Variants in PLXNC1 observed in about 807,000 individuals in gnomAD.
PLXNC1 encodes the protein plexin C1, also known as plexin-C1.
A neutral mutation model predicts 178.2 loss-of-function variants in PLXNC1; 75 were observed. The ratio of observed to expected loss-of-function variants is 0.42; its 90% CI spans 0.35 to 0.51. The LOEUF is 0.51. Ranked by LOEUF, PLXNC1 falls within the 20% of genes least tolerant of loss-of-function variation. The pLI, the probability that PLXNC1 is intolerant of heterozygous loss-of-function variation, is 0.02. For missense variants in PLXNC1, 1,503 were observed against 1,984.4 expected (o/e 0.76, Z 4.61); for synonymous variants, 790 against 779.9 (o/e 1.01, Z -0.22).
chr12:94,224,141 A>C, intron 6 of PLXNC1, 87 bp from the exon 7 acceptor site: 4 of 842,486 alleles, frequency 4.7e-6, no homozygotes, highest in Non-Finnish European at 8.3e-6. Flanking sequence ...AGAGGAAGCA[A>C]AAATATTTAT....
chr12:94,152,001 A>G (rs1163202323), intron 1 of PLXNC1, among the ~76,000 whole-genome samples: 1 of 152,196 alleles, frequency 6.6e-6, no homozygotes, highest in African/African-American at 2.4e-5. Flanking sequence ...GGAAAAATAA[A>G]TAATTAAAAT....
chr12:94,153,520 C>T (rs755303740), intron 1 of PLXNC1, among the ~76,000 whole-genome samples: 1 of 152,182 alleles, frequency 6.6e-6, no homozygotes, highest in Non-Finnish European at 1.5e-5. Context: ...ACTCTCACTA[C>T]CCCTGGCACA....
intron 4 of PLXNC1, among the ~76,000 whole-genome samples, chr12:94,200,506 A>T (rs1259794702): frequency 2.0e-5 from 3 of 152,128 alleles, no homozygotes; most frequent in African/African-American, 7.2e-5. Flanking sequence ...GATAGGCCAA[A>T]TGTGGGATTT....
intron 5 of PLXNC1, among the ~76,000 whole-genome samples, chr12:94,217,495 C>T (rs563763566): frequency 6.6e-6 from 1 of 152,342 alleles, no homozygotes; most frequent in African/African-American, 2.4e-5. Context: ...CCCAACTTGA[C>T]ACATTTGCTT....
chr12:94,262,591 T>G (rs574679053), intron 20 of PLXNC1: 1 of 985,428 alleles, frequency 1.0e-6, no homozygotes, highest in Non-Finnish European at 1.2e-6. Flanking sequence ...CAGGAGGAAG[T>G]GGCATCCAGC....
At chr12:94,225,093 A>G (rs1565818561) in intron 7 of PLXNC1, among the ~76,000 whole-genome samples, 1 of 152,160 alleles carries the variant, frequency 6.6e-6, no homozygotes, top group East Asian at 1.9e-4. Flanking sequence ...TGAGCTACAT[A>G]GGCCCCTGAG....
intron 10 of PLXNC1, among the ~76,000 whole-genome samples, chr12:94,240,007 A>G (rs1487737547): frequency 6.6e-6 from 1 of 152,212 alleles, no homozygotes; most frequent in Non-Finnish European, 1.5e-5. Context: ...TTCAAAGCCT[A>G]TCAACATTTT....
chr12:94,223,054 A>G (rs372406803), intron 6 of PLXNC1, among the ~76,000 whole-genome samples: 2 of 152,194 alleles, frequency 1.3e-5, no homozygotes, highest in African/African-American at 4.8e-5. Context: ...TAAAATTTCA[A>G]TGAGAAAATT....
In PLXNC1 at chr12:94,213,835, G is replaced by A. The variant is rs1963563570; in HGVS notation, c.1554+4131G>A. ...ATCTTGAATTAATTTTTTGTATCAG[G>A]TGTAAGGAAGGGATCCAGTTTCCGC... On this transcript the variant is annotated intron_variant, in intron 5 of 30. Coordinates refer to ENST00000258526, the MANE Select transcript of PLXNC1 (RefSeq NM_005761.3). Among the ~76,000 whole-genome samples, 4 of 151,390 alleles carry A rather than the reference G, an allele frequency of 2.6e-5. No homozygotes were observed. In the South Asian group the frequency reaches 8.3e-4, roughly 31 times the overall value.
chr12:94,298,259 A>T (rs555137229), intron 26 of PLXNC1, among the ~76,000 whole-genome samples: 78 of 152,356 alleles, frequency 5.1e-4, no homozygotes, highest in African/African-American at 1.5e-3. Context: ...GGAACAGAGC[A>T]GCATCACTTG....
chr12:94,178,143 A>G (rs1428554123), intron 2 of PLXNC1, among the ~76,000 whole-genome samples: 3 of 152,280 alleles, frequency 2.0e-5, no homozygotes, highest in East Asian at 3.9e-4. Context: ...CTCCTCCCTT[A>G]CTTTTATTCC....
chr12:94,267,309 T>G (rs142344049), intron 21 of PLXNC1, among the ~76,000 whole-genome samples: 1 of 152,338 alleles, frequency 6.6e-6, no homozygotes, highest in East Asian at 1.9e-4. Context: ...TTGAAGCCTT[T>G]TTAATGCTTT....
chr12:94,204,012 A>G (rs7979879), intron 4 of PLXNC1, among the ~76,000 whole-genome samples: 130,815 of 152,246 alleles, frequency 0.86, 56,213 homozygotes, highest in East Asian at 0.97. Flanking sequence ...ACCTCCTGCC[A>G]TGGGATGATT....
chr12:94,298,641 C>T lies in PLXNC1; in HGVS notation c.4084C>T (p.His1362Tyr). The T allele has an allele frequency of 6.3e-7, 1 of 1,590,290 alleles. No homozygotes were observed. Among genetic ancestry groups the T allele is most frequent in the South Asian group, 1.2e-5 (1 of 86,132 alleles). Reference sequence around the variant, plus strand: ...GTTGTCTATCTTTCAGGTGGCAATTCATTCTGTGCTTGAAAAACTTTTTAG... The same window carrying T: ...GTTGTCTATCTTTCAGGTGGCAATTTATTCTGTGCTTGAAAAACTTTTTAG... ...TKLLSTKVAI[H>Y]SVLEKLFRSI... Residue 1362 changes from histidine to tyrosine, a missense_variant, in exon 27 of 31, where the codon CAT becomes TAT. Around this residue, in one of 4 missense-constraint regions of PLXNC1, gnomAD observed 639 missense variants for 979.7 expected, o/e 0.65. Coordinates refer to ENST00000258526, the MANE Select transcript of PLXNC1 (RefSeq NM_005761.3).
At chr12:94,212,580 G>A (rs1963513432) in intron 5 of PLXNC1, among the ~76,000 whole-genome samples, 1 of 151,714 alleles carries the variant, frequency 6.6e-6, no homozygotes, top group Non-Finnish European at 1.5e-5. Flanking sequence ...GTGGTGTTTG[G>A]TTTTCTGTCT....
chr12:94,245,501 T>G (rs1275207816), intron 12 of PLXNC1, among the ~76,000 whole-genome samples: 1 of 126,108 alleles, frequency 7.9e-6, no homozygotes, highest in Non-Finnish European at 1.9e-5. Context: ...GGCAACATAG[T>G]GAGACCCCCA....
In PLXNC1 at chr12:94,214,024, G is replaced by A. The variant is rs182945132; in HGVS notation, c.1554+4320G>A. On this transcript the variant is annotated intron_variant, in intron 5 of 30. Coordinates refer to ENST00000258526, the MANE Select transcript of PLXNC1 (RefSeq NM_005761.3). Reference sequence around the variant, plus strand: ...TAGGATTACAGGCACATGCCACCACGCCCGGCTAATTGGAATAAAAGTATT... The same window carrying A: ...TAGGATTACAGGCACATGCCACCACACCCGGCTAATTGGAATAAAAGTATT... Among the ~76,000 whole-genome samples the A allele has an allele frequency of 4.0e-5, 6 of 151,636 alleles. No homozygotes were observed. The South Asian group carries it at 6.2e-4, about 16-fold the overall frequency.
intron 5 of PLXNC1, among the ~76,000 whole-genome samples, chr12:94,212,373 C>T (rs1336288037): frequency 1.4e-4 from 21 of 151,614 alleles, no homozygotes; most frequent in Non-Finnish European, 2.4e-4. Flanking sequence ...ATGTGCACAA[C>T]GTGCAGTTTT....
intron 1 of PLXNC1, among the ~76,000 whole-genome samples, chr12:94,164,621 A>G (rs1216486817): frequency 2.6e-5 from 4 of 151,760 alleles, no homozygotes; most frequent in Non-Finnish European, 5.9e-5. Context: ...AGCTGCAAAG[A>G]AGTCTAATTG....
Sources: allele counts gnomAD v4.1 joint callset (sites outside exome capture counted in the v4.1 genomes callset), GRCh38; gene constraint gnomAD v4.1.1; regional missense constraint gnomAD v4.1.1; transcripts MANE v1.5; gene names NCBI Gene and HGNC (gene_info 2026-07-23, HGNC 2026-07-21).